Variants in PSD3 observed in about 807,000 individuals in gnomAD.
The protein encoded by PSD3 is pleckstrin and Sec7 domain containing 3.
PSD3 carries 49 observed loss-of-function variants against 105.5 expected under a neutral mutation model. The ratio of observed to expected loss-of-function variants is 0.46; its 90% CI spans 0.37 to 0.59. The LOEUF is 0.59. PSD3 is among the 20% of genes least tolerant of loss of function. The pLI, the probability that PSD3 is intolerant of heterozygous loss-of-function variation, is 0.00. For missense variants in PSD3, 1,561 were observed against 1,263.8 expected (o/e 1.24, Z -3.57); for synonymous variants, 557 against 457.8 (o/e 1.22, Z -2.77).
chr8:18,930,586 T>A (rs1821681384), intron 2 of PSD3, among the ~76,000 whole-genome samples: 2 of 145,862 alleles, frequency 1.4e-5, no homozygotes, highest in Admixed American at 1.4e-4. Context: ...TTTTTTTTTT[T>A]TTGAGATGGA....
chr8:19,063,165 A>C (rs996951879), intron 1 of PSD3, among the ~76,000 whole-genome samples: 1 of 152,238 alleles, frequency 6.6e-6, no homozygotes, highest in African/African-American at 2.4e-5. Flanking sequence ...TTCTCTGTAG[A>C]GAAAACACTG....
intron 1 of PSD3, chr8:18,979,857 G>A (rs1825161424): frequency 6.6e-6 from 1 of 152,208 alleles, no homozygotes; most frequent in Admixed American, 6.5e-5. Context: ...GGTCTTTATT[G>A]CAGAAAGTGG....
rs994391689 is a variant in PSD3, at chr8:18,959,200, C to T, written c.22-23058G>A. On this transcript the variant is annotated intron_variant, in intron 1 of 15. Transcript: ENST00000327040. ...CCTCCCAAAGTGCTGGGATTACGGG[C>T]GTGAGCCACCACGTCCAGCTTAAGT... 6.6e-5 allele frequency among the ~76,000 whole-genome samples: 10 copies of T among 152,142 alleles called. No homozygotes were observed. In the East Asian group the frequency reaches 7.7e-4, roughly 12 times the overall value.
intron 12 of PSD3, among the ~76,000 whole-genome samples, chr8:18,581,161 C>CA (rs1228203622): frequency 6.6e-6 from 1 of 152,152 alleles, no homozygotes; most frequent in African/African-American, 2.4e-5. Flanking sequence ...ACCCAAATGT[C>CA]AACCATGATG....
chr8:18,601,352 A>T (rs1016128794), intron 11 of PSD3, among the ~76,000 whole-genome samples: 1 of 146,276 alleles, frequency 6.8e-6, no homozygotes, highest in African/African-American at 2.4e-5. Context: ...TGTCTGCTGA[A>T]ATAGACAGGG....
At chr8:18,652,676 T>G (rs1808600474) in intron 10 of PSD3, among the ~76,000 whole-genome samples, 1 of 151,848 alleles carries the variant, frequency 6.6e-6, no homozygotes, top group Non-Finnish European at 1.5e-5. Flanking sequence ...TTTTGTATTT[T>G]TAGTAGAGAT....
At chr8:19,016,104 ATT>A (rs957615374), upstream of PSD3, among the ~76,000 whole-genome samples, 2 of 152,202 alleles carry the variant, frequency 1.3e-5, no homozygotes, top group Non-Finnish European at 2.9e-5. Flanking sequence ...GTGTGTAAAT[ATT>A]TTGTTAGGCT....
intron 9 of PSD3, among the ~76,000 whole-genome samples, chr8:18,660,706 G>A (rs1809284257): frequency 2.6e-5 from 4 of 152,206 alleles, no homozygotes; most frequent in Admixed American, 2.0e-4. Flanking sequence ...ATTTCTAAAT[G>A]CTCCACATGT....
chr8:18,813,464 G>A (rs994016862), intron 4 of PSD3, among the ~76,000 whole-genome samples: 2 of 152,124 alleles, frequency 1.3e-5, no homozygotes, highest in Non-Finnish European at 2.9e-5. Context: ...ACCTGGGAGA[G>A]GCTAGAGCAC....
chr8:19,003,415 G>A (rs1826503814), intron 1 of PSD3, among the ~76,000 whole-genome samples: 1 of 151,914 alleles, frequency 6.6e-6, no homozygotes, highest in African/African-American at 2.4e-5. Flanking sequence ...AGGTAAGTGA[G>A]TCTCCCCCTC....
At chr8:18,878,342 G>A (rs1817871039) in intron 2 of PSD3, among the ~76,000 whole-genome samples, 1 of 151,928 alleles carries the variant, frequency 6.6e-6, no homozygotes, top group Non-Finnish European at 1.5e-5. Context: ...GATTCCTCAG[G>A]ATTCTACATA....
rs146511985 is a variant in PSD3, at chr8:18,609,510, C to G, written c.2411-9076G>C. ...CATCATCTATACTAGCTGTAAAAAG[C>G]ACAAGGCATTTTTAAGACTGTTCTA... On this transcript the variant is annotated intron_variant, in intron 11 of 15. Transcript: ENST00000327040. Among the ~76,000 whole-genome samples the G allele has an allele frequency of 1.5e-4, 23 of 152,278 alleles. 2 individuals are homozygous for G. The East Asian group carries it at 3.9e-3, about 26-fold the overall frequency.
chr8:18,670,892 A>G (rs944609368), intron 9 of PSD3, among the ~76,000 whole-genome samples: 2 of 152,138 alleles, frequency 1.3e-5, no homozygotes, highest in Admixed American at 6.5e-5. Flanking sequence ...TTTTCAATGT[A>G]TAATCTTCTG....
chr8:18,553,622 G>T (rs1391303705), intron 15 of PSD3, among the ~76,000 whole-genome samples: 1 of 152,198 alleles, frequency 6.6e-6, no homozygotes, highest in Admixed American at 6.5e-5. Context: ...AAAGGATGCT[G>T]TGCAAAGACT....
intron 1 of PSD3, among the ~76,000 whole-genome samples, chr8:18,953,347 T>C (rs754408588): frequency 1.3e-5 from 2 of 152,184 alleles, no homozygotes; most frequent in Non-Finnish European, 2.9e-5. Flanking sequence ...TACATACATA[T>C]GGTTTACAAA....
intron 9 of PSD3, among the ~76,000 whole-genome samples, chr8:18,735,585 T>C (rs1804092633): frequency 6.6e-6 from 1 of 152,204 alleles, no homozygotes; most frequent in African/African-American, 2.4e-5. Flanking sequence ...AGTTTTTCTC[T>C]GACAGATTTC....
At chr8:18,843,354 T>C (rs976661705) in intron 4 of PSD3, among the ~76,000 whole-genome samples, 3 of 150,740 alleles carry the variant, frequency 2.0e-5, no homozygotes, top group African/African-American at 4.9e-5. Context: ...AAAAGAGTTA[T>C]TGCTCTAGGT....
intron 12 of PSD3, among the ~76,000 whole-genome samples, chr8:18,596,205 A>G (rs1044755257): frequency 1.3e-5 from 2 of 151,978 alleles, no homozygotes; most frequent in African/African-American, 4.8e-5. Context: ...TTTGAGACCA[A>G]CAAAAATGGA....
intron 15 of PSD3, among the ~76,000 whole-genome samples, chr8:18,554,559 C>A (rs1159361188): frequency 6.6e-6 from 1 of 152,052 alleles, no homozygotes; most frequent in African/African-American, 2.4e-5. Context: ...GTGGAAGTGT[C>A]ATTTTTTTAA....
Sources: allele counts gnomAD v4.1 joint callset (sites outside exome capture counted in the v4.1 genomes callset), GRCh38; gene constraint gnomAD v4.1.1; transcripts MANE v1.5; gene names NCBI Gene and HGNC (gene_info 2026-07-23, HGNC 2026-07-21).